PBX1: variants seen among roughly 807,000 people sequenced by gnomAD.
PBX1 encodes pre-B-cell leukemia transcription factor 1.
In PBX1, 6 loss-of-function variants were observed where a neutral mutation model predicts 53.4. The observed-to-expected ratio is 0.11, with a 90% CI of 0.06 to 0.22. The LOEUF (loss-of-function observed/expected upper bound fraction) is 0.22. Ranked by LOEUF, PBX1 falls within the 10% of genes least tolerant of loss-of-function variation. PBX1 has a pLI of 1.00. For missense variants in PBX1, 251 were observed against 551.4 expected (o/e 0.46, Z 5.46); for synonymous variants, 204 against 212.3 (o/e 0.96, Z 0.34).
intron 2 of PBX1, among the ~76,000 whole-genome samples, chr1:164,762,729 T>C (rs1666874352): frequency 6.6e-6 from 1 of 152,216 alleles, no homozygotes; most frequent in East Asian, 1.9e-4. Flanking sequence ...AGAACATCTT[T>C]GTAGCAAATT....
At chr1:164,857,377 T>G (rs553330933) in intron 2 of PBX1, among the ~76,000 whole-genome samples, 1 of 150,798 alleles carries the variant, frequency 6.6e-6, no homozygotes, top group Non-Finnish European at 1.5e-5. Context: ...CCCCATGGAG[T>G]TGGGGTGTGC....
chr1:164,661,745 T>C (rs1042497451), intron 2 of PBX1, among the ~76,000 whole-genome samples: 2 of 152,152 alleles, frequency 1.3e-5, no homozygotes, highest in Admixed American at 1.3e-4. Flanking sequence ...GTTTCTTATA[T>C]TGACCTTTGT....
intron 5 of PBX1, among the ~76,000 whole-genome samples, chr1:164,810,019 G>A (rs1031494143): frequency 1.4e-4 from 21 of 152,242 alleles, no homozygotes; most frequent in African/African-American, 5.1e-4. Flanking sequence ...TGTTCTATAT[G>A]CTTTATCTGA....
downstream of PBX1, among the ~76,000 whole-genome samples, chr1:164,856,128 C>T (rs1671970572): frequency 6.6e-6 from 1 of 152,202 alleles, no homozygotes. Context: ...GAGTCAAGCT[C>T]AAATCCTGAA....
intron 2 of PBX1, among the ~76,000 whole-genome samples, chr1:164,704,139 GTCT>G (rs1047572621): frequency 6.6e-6 from 1 of 152,118 alleles, no homozygotes. Context: ...AAGTAAAGTA[GTCT>G]TGCTTTCGCT....
chr1:164,816,924 A>G (rs189001641), intron 6 of PBX1: 20 of 152,216 alleles, frequency 1.3e-4, no homozygotes, highest in Admixed American at 1.2e-3. Flanking sequence ...ATTTTCTGGA[A>G]CTTGTCTGAT....
chr1:164,645,527 G>C (rs184655719), intron 2 of PBX1, among the ~76,000 whole-genome samples: 6 of 151,522 alleles, frequency 4.0e-5, no homozygotes, highest in Non-Finnish European at 7.4e-5. Flanking sequence ...AGAGGAGAAG[G>C]GGGGCTTAGG....
intron 2 of PBX1, among the ~76,000 whole-genome samples, chr1:164,664,794 G>A (rs1660710725): frequency 6.6e-6 from 1 of 152,142 alleles, no homozygotes; most frequent in Non-Finnish European, 1.5e-5. Flanking sequence ...AAGAGATTGG[G>A]CAGGGGAACT....
chr1:164,786,137 C>T (rs1668160541), intron 2 of PBX1, among the ~76,000 whole-genome samples: 2 of 152,162 alleles, frequency 1.3e-5, no homozygotes. Context: ...TGGCTGAGAA[C>T]AGGAAGCTGA....
chr1:164,849,542 CTTCA>C lies in PBX1; in HGVS notation c.*2869_*2872del. 1 of 1,267,006 alleles carries C rather than the reference CTTCA, an allele frequency of 7.9e-7. No homozygotes were observed. The highest frequency in any genetic ancestry group is 2.6e-5 in the East Asian group (1 of 38,554). The allele number at this position is 1,267,006 out of a possible 1,614,324, so 78.5% of individuals were successfully genotyped here. A position where few individuals can be genotyped will look rare whatever the true frequency, so the allele number is the denominator to read the frequency against. On this transcript the variant is annotated 3_prime_UTR_variant, in exon 9 of 9. Transcript: ENST00000420696. ...GAGAGCAAGATGCACCCCAGGATTT[CTTCA>C]TTTTCTAATAGATGTGGGAGTGCTC...
intron 8 of PBX1, among the ~76,000 whole-genome samples, chr1:164,822,738 G>T (rs1467721639): frequency 6.6e-6 from 1 of 152,152 alleles, no homozygotes; most frequent in Non-Finnish European, 1.5e-5. Flanking sequence ...GTAGTGTAAG[G>T]CATGCTAACA....
At chr1:164,654,852 G>C (rs1660053366) in intron 2 of PBX1, among the ~76,000 whole-genome samples, 1 of 152,186 alleles carries the variant, frequency 6.6e-6, no homozygotes, top group Admixed American at 6.5e-5. Flanking sequence ...CTGGGTATAA[G>C]AAATAGATAA....
rs570927547 is a variant in PBX1, at chr1:164,819,439, C to A, written c.998-633C>A. Reference sequence around the variant, plus strand: ...GGCAGAGAAGGGTAGATCACTCCCACATATTCTTACAGTCCTCAAGGTTCC... The same window carrying A: ...GGCAGAGAAGGGTAGATCACTCCCAAATATTCTTACAGTCCTCAAGGTTCC... On this transcript the variant is annotated intron_variant, in intron 6 of 8. Coordinates refer to ENST00000420696, the MANE Select transcript of PBX1 (RefSeq NM_002585.4). 8 of 152,222 alleles carry A rather than the reference C, an allele frequency of 5.3e-5. No homozygotes were observed. The South Asian group carries it at 1.2e-3, about 24-fold the overall frequency. 9.4% of individuals were successfully genotyped at this position (152,222 alleles called of 1,614,324 possible). A position where few individuals can be genotyped will look rare whatever the true frequency, so the allele number is the denominator to read the frequency against.
intron 2 of PBX1, among the ~76,000 whole-genome samples, chr1:164,737,318 A>G (rs954089682): frequency 6.6e-6 from 1 of 152,226 alleles, no homozygotes; most frequent in Non-Finnish European, 1.5e-5. Flanking sequence ...GGATGAAATT[A>G]GAAAAATATA....
chr1:164,868,095 C>A (rs1396305535), intron 2 of PBX1, among the ~76,000 whole-genome samples: 2 of 152,120 alleles, frequency 1.3e-5, no homozygotes, highest in Non-Finnish European at 2.9e-5. Flanking sequence ...GAAGAGAATA[C>A]GGAGAAAGAG....
At chr1:164,720,516 A>C (rs533772563) in intron 2 of PBX1, among the ~76,000 whole-genome samples, 2 of 152,324 alleles carry the variant, frequency 1.3e-5, no homozygotes, top group African/African-American at 4.8e-5. Context: ...AGTTCTGGCC[A>C]CAAAGGAAGC....
At chr1:164,704,045 T>C (rs936530334) in intron 2 of PBX1, among the ~76,000 whole-genome samples, 1 of 152,196 alleles carries the variant, frequency 6.6e-6, no homozygotes, top group African/African-American at 2.4e-5. Context: ...GGTAAAATGC[T>C]GCAATAGATG....
At chr1:164,709,044 G>A (rs1663603870) in intron 2 of PBX1, among the ~76,000 whole-genome samples, 1 of 152,178 alleles carries the variant, frequency 6.6e-6, no homozygotes, top group Admixed American at 6.5e-5. Flanking sequence ...AATCAGCGAT[G>A]GCAGTGGTGC....
At chr1:164,645,791 G>A (rs1434177872) in intron 2 of PBX1, among the ~76,000 whole-genome samples, 2 of 152,218 alleles carry the variant, frequency 1.3e-5, no homozygotes, top group Non-Finnish European at 2.9e-5. Flanking sequence ...ACAACACTAA[G>A]GTGATGTGAC....
Sources: gnomAD v4.1 joint callset for allele counts (sites outside exome capture counted in the v4.1 genomes callset) on GRCh38, gnomAD v4.1.1 for gene constraint, MANE v1.5 for transcripts, NCBI Gene and HGNC (gene_info 2026-07-23, HGNC 2026-07-21) for gene names.